Variants in DUS1L observed in about 807,000 individuals in gnomAD.
DUS1L encodes the protein tRNA-dihydrouridine(16/17) synthase [NAD(P)(+)]-like.
DUS1L carries 56 observed loss-of-function variants against 61.2 expected under a neutral mutation model. That is an observed-to-expected ratio of 0.92 (90% CI 0.74 to 1.14). The LOEUF (loss-of-function observed/expected upper bound fraction) is 1.14, where lower values mean the gene tolerates loss of function less well. Among genes scored for constraint, DUS1L ranks in the 50% most tolerant of loss-of-function variants. DUS1L has a pLI of 0.00. For synonymous variants in DUS1L, 278 were observed against 259.5 expected, an observed-to-expected ratio of 1.07 and a Z score of -0.69; for missense variants, 630 against 632.4, an observed-to-expected ratio of 1.00 and a Z score of 0.04.
chr17:82,060,079 C>T lies in DUS1L; in HGVS notation c.1037G>A (p.Ser346Asn), dbSNP rs767108829. ...PYIRPGPREGSKEKAGARSKR... is the reference protein window; with the variant it reads ...PYIRPGPREGNKEKAGARSKR... Reference sequence around the variant, plus strand: ...GCTGCGCGCACCTGCCTTCTCCTTGCTCCCCTCCCTGGGCCTGAGGGGAGG... The same window carrying T: ...GCTGCGCGCACCTGCCTTCTCCTTGTTCCCCTCCCTGGGCCTGAGGGGAGG... Residue 346 changes from serine (S) to asparagine (N), a missense_variant, in exon 11 of 14, where the codon AGC (serine) becomes AAC (asparagine). Transcript: ENST00000306796. 1.8e-5 allele frequency: 29 copies of T among 1,613,134 alleles called. No individual in the cohort carries two copies. The Middle Eastern group carries it at 5.0e-4, about 28-fold the overall frequency.
chr17:82,061,801 T>TG, intron 6 of DUS1L, 80 bp from the exon 7 acceptor site: 1 of 1,594,730 alleles, frequency 6.3e-7, no homozygotes, highest in Non-Finnish European at 8.6e-7. Flanking sequence ...GCCCCCTGGG[T>TG]GGTCACGGGC....
Position 82,061,235 on chromosome 17 carries a change from G to A in DUS1L, c.816C>T (p.Ala272=). 6.2e-7 allele frequency: 1 copy of A among 1,601,754 alleles called. No homozygotes were observed. The highest frequency in any genetic ancestry group is 8.5e-7 in the Non-Finnish European group (1 of 1,172,706). ...TGTGGTGCCACAGCTTGAAGAGGTG[G>A]GCCCGGACGTAGGACAGGGGGCAGG... The part of the protein sequence containing the change: ...EHPCPLSYVR[A]HLFKLWHHTL... Residue 272 remains alanine, a synonymous_variant, in exon 8 of 14, where the codon GCC becomes GCT. Transcript: ENST00000306796.
intron 6 of DUS1L, 30 bp from the exon 7 acceptor site, chr17:82,061,751 C>A (rs781560726): frequency 2.5e-6 from 4 of 1,610,454 alleles, no homozygotes; most frequent in Non-Finnish European, 3.4e-6. Flanking sequence ...TGTTTCCACC[C>A]GCCCGGAACA....
intron 12 of DUS1L, 53 bp downstream of exon 12, chr17:82,058,728 C>T: frequency 1.2e-6 from 2 of 1,611,408 alleles, no homozygotes; most frequent in Non-Finnish European, 1.7e-6. Flanking sequence ...AGAGACCACC[C>T]TGCCCACCCC....
In DUS1L at chr17:82,060,020, C is replaced by T. The variant is rs1249952008; in HGVS notation, c.1096G>A (p.Glu366Lys). 1 of 1,613,906 alleles carries T rather than the reference C, an allele frequency of 6.2e-7. No homozygotes were observed. ...RALEEEEGGT[E>K]VLSKNKQKKQ... ...TTTTGCTTGTTCTTGGACAGGACCT[C>T]CGTGCCACCCTCCTCTTCCTCCAGG... Residue 366 changes from glutamate to lysine, a missense_variant, in exon 11 of 14, where the codon GAG becomes AAG. Glu to Lys is a moderately conservative substitution (Grantham distance 56, BLOSUM62 1). Transcript: ENST00000306796.
Position 82,058,189 on chromosome 17 carries a change from G to C in DUS1L, c.1348C>G (p.Leu450Val). Reference protein sequence around the residue: ...SLAWKEAQPELQEPQPAAPGT... With the variant: ...SLAWKEAQPEVQEPQPAAPGT... ...GGTGCTGCTGGCTGAGGCTCCTGCA[G>C]CTCAGGCTGGGCCTCTTTCCAGGCC... The change falls in exon 14 of 14, where the codon CTG becomes GTG. Residue 450 changes from leucine (L) to valine (V), a missense_variant. Leu to Val is a conservative substitution (Grantham distance 32). Coordinates refer to ENST00000306796, the MANE Select transcript of DUS1L (RefSeq NM_022156.5). 6.2e-7 allele frequency: 1 copy of C among 1,601,756 alleles called. No individual in the cohort carries two copies. Among genetic ancestry groups the C allele is most frequent in the Non-Finnish European group, 8.5e-7 (1 of 1,171,658 alleles).
At position 82,061,268 on chromosome 17, in the gene DUS1L, C is replaced by T; in HGVS notation, c.783G>A (p.Arg261=). Residue 261 remains arginine (R), a synonymous_variant, in exon 8 of 14, where the codon CGG becomes CGA. Coordinates refer to ENST00000306796, the MANE Select transcript of DUS1L (RefSeq NM_022156.5). ...CGTAGGACAGGGGGCAGGGGTGCTC[C>T]CGCACGATGTCCAGATACTCCTCGG... ...ELAEEYLDIV[R]EHPCPLSYVR... is the part of the protein sequence containing the mutation. 1 of 1,611,176 alleles carries T rather than the reference C, an allele frequency of 6.2e-7. No individual in the cohort carries two copies. Among genetic ancestry groups the T allele is most frequent in the Non-Finnish European group, 8.5e-7 (1 of 1,178,994 alleles).
At chr17:82,064,398 A>G in intron 2 of DUS1L, 164 bp from the exon 3 acceptor site, 2 of 617,896 alleles carry the variant, frequency 3.2e-6, no homozygotes, top group Non-Finnish European at 5.6e-6. Context: ...AGCCGGGAGG[A>G]GTCCCCAAGC....
chr17:82,063,373 C>T (rs1206234985), intron 4 of DUS1L, 95 bp downstream of exon 4: 2 of 1,554,290 alleles, frequency 1.3e-6, no homozygotes, highest in East Asian at 2.2e-5. Context: ...CCTGCCAACG[C>T]CTGTCCTCTC....
At chr17:82,063,644 A>T in intron 3 of DUS1L, 126 bp from the exon 4 acceptor site, 1 of 1,153,084 alleles carries the variant, frequency 8.7e-7, no homozygotes, top group Non-Finnish European at 1.3e-6. Context: ...GGCGGGACAC[A>T]GGTCCCCAGA....
Position 82,058,138 on chromosome 17 carries a change from C to G in DUS1L, c.1399G>C (p.Val467Leu), listed in dbSNP as rs768814123. 2.5e-6 allele frequency: 4 copies of G among 1,589,792 alleles called. No individual in the cohort carries two copies. The highest frequency in any genetic ancestry group is 3.4e-6 in the Non-Finnish European group (4 of 1,163,736). Residue 467 changes from valine to leucine, a missense_variant, in exon 14 of 14, where the codon GTC becomes CTC. Physicochemically the swap from Val to Leu is conservative, Grantham distance 32. Transcript: ENST00000306796. ...APGTPGGFSEVMGSALA is the reference protein window; with the variant it reads ...APGTPGGFSELMGSALA ...CTTCAGGCCAGGGCACTGCCCATGACTTCGGAGAAGCCACCTGGTGTTCCA... is the reference window on the plus strand; with the variant it reads ...CTTCAGGCCAGGGCACTGCCCATGAGTTCGGAGAAGCCACCTGGTGTTCCA...
chr17:82,058,994 C>A, intron 11 of DUS1L, 176 bp from the exon 12 acceptor site: 1 of 630,466 alleles, frequency 1.6e-6, no homozygotes. Flanking sequence ...CTTTTCCTTC[C>A]GTGAGCAATG....
chr17:82,059,567 C>A (rs2033353154), intron 11 of DUS1L: 1 of 209,342 alleles, frequency 4.8e-6, no homozygotes, highest in East Asian at 1.1e-4. Context: ...GGCCCAGCAA[C>A]AAGACCCATG....
chr17:82,065,127 A>C, intron 1 of DUS1L, 58 bp from the exon 2 acceptor site: 3 of 1,454,370 alleles, frequency 2.1e-6, no homozygotes, highest in Non-Finnish European at 2.8e-6. Context: ...CTTAAGACTC[A>C]ACTCAGAGGC....
chr17:82,064,266 C>T (rs1206834153), intron 2 of DUS1L, 32 bp from the exon 3 acceptor site: 1 of 1,584,252 alleles, frequency 6.3e-7, no homozygotes, highest in South Asian at 1.1e-5. Context: ...GCCACGGGCC[C>T]AGCCAGGCCC....
chr17:82,061,576 C>T lies in DUS1L; in HGVS notation c.697+42G>A, dbSNP rs143093593. 4.9e-5 allele frequency: 77 copies of T among 1,582,628 alleles called. No individual in the cohort carries two copies. In the African/African-American group the frequency reaches 7.4e-4, roughly 15 times the overall value. On this transcript the variant is annotated intron_variant, in intron 7 of 13. Transcript: ENST00000306796. ...ACCGACCTGGGCGGTGGTATCAGGC[C>T]GTGTGCATGGGGCCCTGGCTGCTGT...
In DUS1L at chr17:82,060,424, G is replaced by C. The variant is rs780663837; in HGVS notation, c.1022+277C>G. ...ACGGGCAAATCCACCAGGATCAGAG[G>C]AGCTCAGAGAAGTATGTTATGGAAG... On this transcript the variant is annotated intron_variant, in intron 10 of 13. Coordinates refer to ENST00000306796, the MANE Select transcript of DUS1L (RefSeq NM_022156.5). 9 of 582,634 alleles carry C rather than the reference G, an allele frequency of 1.5e-5. No individual in the cohort carries two copies. In the East Asian group the frequency reaches 2.5e-4, roughly 16 times the overall value. 36.1% of individuals were successfully genotyped at this position (582,634 alleles called of 1,614,324 possible). A position where few individuals can be genotyped will look rare whatever the true frequency, so the allele number is the denominator to read the frequency against.
chr17:82,060,693 G>T lies in DUS1L; in HGVS notation c.1022+8C>A, dbSNP rs1568086603. On this transcript the variant is annotated splice_region_variant and intron_variant, in intron 10 of 13. Coordinates refer to ENST00000306796, the MANE Select transcript of DUS1L (RefSeq NM_022156.5). Reference sequence around the variant, plus strand: ...CACATCCCCGCCCAGGGCTGGCTGGGCTCTCACCCCGGCCGGATGTAGGGC... The same window carrying T: ...CACATCCCCGCCCAGGGCTGGCTGGTCTCTCACCCCGGCCGGATGTAGGGC... The T allele has an allele frequency of 2.2e-5, 36 of 1,612,112 alleles. No individual in the cohort carries two copies. The highest frequency in any genetic ancestry group is 3.1e-5 in the Non-Finnish European group (36 of 1,179,664).
intron 7 of DUS1L, 34 bp downstream of exon 7, chr17:82,061,584 T>C: frequency 6.3e-7 from 1 of 1,591,822 alleles, no homozygotes; most frequent in Non-Finnish European, 8.6e-7. Flanking sequence ...GCCGTGTGCA[T>C]GGGGCCCTGG....
Sources: allele counts gnomAD v4.1 joint callset, GRCh38; gene constraint gnomAD v4.1.1; transcripts MANE v1.5; gene names NCBI Gene and HGNC (gene_info 2026-07-23, HGNC 2026-07-21).